The following POU2F3 variants were observed in gnomAD, a reference collection of about 807,000 sequenced individuals.
POU2F3 encodes the protein POU domain, class 2, transcription factor 3.
In POU2F3, 23 loss-of-function variants were observed where a neutral mutation model predicts 59.2. The observed-to-expected ratio is 0.39, with a 90% CI of 0.28 to 0.55. The LOEUF is 0.55. Ranked by LOEUF, POU2F3 falls within the 20% of genes least tolerant of loss-of-function variation. The pLI, the probability that POU2F3 is intolerant of heterozygous loss-of-function variation, is 0.66. For synonymous variants in POU2F3, 190 were observed against 214.6 expected (o/e 0.89, Z 1.00); for missense variants, 473 against 544.5 (o/e 0.87, Z 1.31).
In POU2F3 at chr11:120,285,782, C is replaced by A. The variant is rs547554852; in HGVS notation, c.133-12483C>A. Among the ~76,000 whole-genome samples, 1 of 152,214 alleles carries A rather than the reference C, an allele frequency of 6.6e-6. No individual in the cohort carries two copies. The highest frequency in any genetic ancestry group is 2.4e-5 in the African/African-American group (1 of 41,524). On this transcript the variant is annotated intron_variant, in intron 3 of 12. Coordinates refer to ENST00000543440, the MANE Select transcript of POU2F3 (RefSeq NM_014352.4). The surrounding 1 kb of genome is among the most constrained non-coding windows in gnomAD (Gnocchi z 4.3). Reference sequence around the variant, plus strand: ...TTATACCGTATATATTCTTTAGTGGCTTTTAAAATTTTTAAATAATGTTTA... The same window carrying A: ...TTATACCGTATATATTCTTTAGTGGATTTTAAAATTTTTAAATAATGTTTA...
chr11:120,309,032 C>CAGCT (rs1941583405), intron 9 of POU2F3, among the ~76,000 whole-genome samples: 1 of 146,338 alleles, frequency 6.8e-6, no homozygotes, highest in Admixed American at 6.9e-5. Flanking sequence ...AAGGGAGCAG[C>CAGCT]AGCTCTGGGG....
intron 3 of POU2F3, among the ~76,000 whole-genome samples, chr11:120,279,581 C>T (rs1940478435): frequency 1.3e-5 from 2 of 152,130 alleles, no homozygotes; most frequent in African/African-American, 4.8e-5. Flanking sequence ...CCTCTGCAAG[C>T]GTGGGCGGGG....
At position 120,309,512 on chromosome 11, in the gene POU2F3, C is replaced by T. The variant is rs762583643; in HGVS notation, c.994C>T (p.Arg332Ter). The T allele has an allele frequency of 1.2e-6, 2 of 1,614,000 alleles. No individual in the cohort carries two copies. The highest frequency in any genetic ancestry group is 8.5e-7 in the Non-Finnish European group (1 of 1,179,974). Residue 332 changes from arginine to a stop codon, truncating the protein, a stop_gained, in exon 10 of 13, where the codon CGA (arginine) becomes TGA (stop). Coordinates refer to ENST00000543440, the MANE Select transcript of POU2F3 (RefSeq NM_014352.4). LOFTEE classifies it high-confidence loss of function. The part of the protein sequence containing the change: ...KEVVRVWFCN[R>*]RQKEKRINCP... ...GGTGGTGAGGGTCTGGTTCTGCAAC[C>T]GACGCCAAAAGGAGAAGCGAATCAA... is the stretch of plus-strand genomic sequence containing the variant.
At chr11:120,295,757 T>G (rs538694939) in intron 3 of POU2F3, among the ~76,000 whole-genome samples, 1 of 152,322 alleles carries the variant, frequency 6.6e-6, no homozygotes, top group Non-Finnish European at 1.5e-5. Context: ...GTGGGGCTCT[T>G]GGAGACAACT....
At chr11:120,238,337 G>A (rs1938551989), upstream of POU2F3, among the ~76,000 whole-genome samples, 2 of 152,166 alleles carry the variant, frequency 1.3e-5, no homozygotes, top group African/African-American at 2.4e-5. Flanking sequence ...GGAGGGTGGT[G>A]TATGTGGACC....
At chr11:120,299,901 C>A (rs559877870) in intron 5 of POU2F3, among the ~76,000 whole-genome samples, 175 bp downstream of exon 5, 7 of 152,324 alleles carry the variant, frequency 4.6e-5, no homozygotes, top group Admixed American at 2.6e-4. Flanking sequence ...GGCAATGCTC[C>A]TCCAGGCTTA....
At chr11:120,294,301 G>C (rs919853952) in intron 3 of POU2F3, among the ~76,000 whole-genome samples, 2 of 152,222 alleles carry the variant, frequency 1.3e-5, no homozygotes, top group Admixed American at 6.5e-5. Context: ...CTGCTCAGTG[G>C]CTGTGGCAGG....
chr11:120,284,994 G>A (rs148030149), intron 3 of POU2F3, among the ~76,000 whole-genome samples: 1 of 152,192 alleles, frequency 6.6e-6, no homozygotes, highest in African/African-American at 2.4e-5. Flanking sequence ...GAGAAATGGA[G>A]TGCAGGTGTA....
intron 3 of POU2F3, among the ~76,000 whole-genome samples, chr11:120,288,128 C>CAAAAA: frequency 0.016 from 1,037 of 63,238 alleles, 94 homozygotes; most frequent in African/African-American, 0.063. Flanking sequence ...ACAAAAAAAC[C>CAAAAA]AAAAAAAAAA....
At chr11:120,274,096 GAAGGAAGGAAGA>G (rs1315175981) in intron 3 of POU2F3, among the ~76,000 whole-genome samples, 2,373 of 82,762 alleles carry the variant, frequency 0.029, 53 homozygotes, top group African/African-American at 0.084. Flanking sequence ...AGAAAGGAAG[GAAGGAAGGAAGA>G]AAGGAAGGAA....
At chr11:120,254,969 T>C (rs1027766594) in intron 2 of POU2F3, 1 of 152,234 alleles carries the variant, frequency 6.6e-6, no homozygotes, top group Non-Finnish European at 1.5e-5. Flanking sequence ...ATCAGTGCTG[T>C]TGTTGACTCA....
intron 1 of POU2F3, among the ~76,000 whole-genome samples, chr11:120,244,364 T>C (rs757169035): frequency 3.9e-5 from 6 of 152,210 alleles, no homozygotes; most frequent in African/African-American, 7.2e-5. Context: ...GTTCATTTAT[T>C]AGGTGCTTAC....
upstream of POU2F3, among the ~76,000 whole-genome samples, chr11:120,238,600 G>T (rs1280882583): frequency 6.6e-6 from 1 of 152,042 alleles, no homozygotes; most frequent in Non-Finnish European, 1.5e-5. Flanking sequence ...ACTTTGGGAG[G>T]CTGAGGCGGG....
chr11:120,243,442 G>A (rs914304304), intron 1 of POU2F3, among the ~76,000 whole-genome samples: 4 of 152,168 alleles, frequency 2.6e-5, no homozygotes, highest in African/African-American at 7.2e-5. Context: ...TCAAGCCAAC[G>A]CTAACTTCAG....
chr11:120,246,653 A>G lies in POU2F3; in HGVS notation c.97+136A>G, dbSNP rs533022928. The G allele has an allele frequency of 7.2e-6, 6 of 837,418 alleles. No homozygotes were observed. The African/African-American group carries it at 8.5e-5, about 12-fold the overall frequency. 51.9% of individuals were successfully genotyped at this position (837,418 alleles called of 1,614,324 possible). A position where few individuals can be genotyped will look rare whatever the true frequency, so the allele number is the denominator to read the frequency against. On this transcript the variant is annotated intron_variant, in intron 2 of 12. Coordinates refer to ENST00000543440, the MANE Select transcript of POU2F3 (RefSeq NM_014352.4). The stretch of plus-strand genomic sequence containing the variant: ...AAAGCTAGGTCTTAGGAACTAAGGG[A>G]ATTCCCTGAGGACATGGGATATGAT...
In POU2F3 at chr11:120,274,151, G is replaced by T. The variant is rs1258748788; in HGVS notation, c.132+4907G>T. Among the ~76,000 whole-genome samples the T allele has an allele frequency of 3.4e-5, 5 of 147,142 alleles. No homozygotes were observed. The East Asian group carries it at 7.9e-4, about 23-fold the overall frequency. ...AGGAAGGAAGGAAGGAAGGAAGGAA[G>T]GAAGGAAATGCACACAAACATAGAG... is the stretch of plus-strand genomic sequence containing the variant. On this transcript the variant is annotated intron_variant, in intron 3 of 12. Coordinates refer to ENST00000543440, the MANE Select transcript of POU2F3 (RefSeq NM_014352.4).
At chr11:120,267,904 C>T (rs1939902796) in intron 2 of POU2F3, among the ~76,000 whole-genome samples, 1 of 148,168 alleles carries the variant, frequency 6.7e-6, no homozygotes, top group South Asian at 2.2e-4. Context: ...TGTTATAGAA[C>T]CAATAATACA....
At chr11:120,308,420 C>A (rs1941558682) in intron 9 of POU2F3, among the ~76,000 whole-genome samples, 1 of 152,310 alleles carries the variant, frequency 6.6e-6, no homozygotes, top group South Asian at 2.1e-4. Context: ...ATCCAGCTAG[C>A]AGAATGACAG....
In POU2F3 at chr11:120,276,191, G is replaced by A. The variant is rs1940314349; in HGVS notation, c.132+6947G>A. Among the ~76,000 whole-genome samples the A allele has an allele frequency of 2.0e-5, 3 of 152,300 alleles. No homozygotes were observed. In the South Asian group the frequency reaches 6.2e-4, roughly 32 times the overall value. On this transcript the variant is annotated intron_variant, in intron 3 of 12. Coordinates refer to ENST00000543440, the MANE Select transcript of POU2F3 (RefSeq NM_014352.4). The stretch of plus-strand genomic sequence containing the variant: ...CAAGCACCAAAGCCACTGAGCCTGA[G>A]AGAGCAAGGGAGGGAATGAATAGGC...
Sources: allele counts gnomAD v4.1 joint callset (sites outside exome capture counted in the v4.1 genomes callset), GRCh38; gene constraint gnomAD v4.1.1; non-coding constraint Gnocchi (gnomAD v3.1); transcripts MANE v1.5; gene names NCBI Gene and HGNC (gene_info 2026-07-23, HGNC 2026-07-21).